CELF4: variants seen among roughly 807,000 people sequenced by gnomAD.
CELF4 encodes CUG-BP- and ETR-3-like factor 4.
Under a neutral mutation model 59.9 loss-of-function variants are expected in CELF4, and 18 were observed. The observed-to-expected ratio is 0.30, with a 90% CI of 0.21 to 0.45. The LOEUF (loss-of-function observed/expected upper bound fraction) is 0.45. Among genes scored for constraint, CELF4 ranks in the 20% least tolerant of loss-of-function variants. CELF4 has a pLI of 1.00. For synonymous variants in CELF4, 261 were observed against 267.1 expected (o/e 0.98, Z 0.22); for missense variants, 456 against 689.0 (o/e 0.66, Z 3.79).
chr18:37,403,161 C>A (rs143586177), intron 2 of CELF4, among the ~76,000 whole-genome samples: 1 of 149,668 alleles, frequency 6.7e-6, no homozygotes, highest in African/African-American at 2.4e-5. Flanking sequence ...AGGAAGAGGG[C>A]TGGGGTTGGG....
At chr18:37,526,958 G>A (rs542012677) in intron 1 of CELF4, among the ~76,000 whole-genome samples, 1 of 152,152 alleles carries the variant, frequency 6.6e-6, no homozygotes, top group Non-Finnish European at 1.5e-5. Context: ...CCGGGCCTCA[G>A]TTGCCTTATC....
intron 3 of CELF4, among the ~76,000 whole-genome samples, chr18:37,281,809 C>A (rs72900342): frequency 0.082 from 12,431 of 152,228 alleles, 694 homozygotes; most frequent in Admixed American, 0.13. Context: ...GTGGCCCCCC[C>A]AGGGTGCCTC....
At chr18:37,507,210 C>G (rs2099939079) in intron 1 of CELF4, among the ~76,000 whole-genome samples, 1 of 152,214 alleles carries the variant, frequency 6.6e-6, no homozygotes, top group Admixed American at 6.5e-5. Context: ...CTGCTCAAGG[C>G]CCAGAGACCC....
intron 2 of CELF4, among the ~76,000 whole-genome samples, chr18:37,389,741 C>T (rs1225306846): frequency 3.9e-5 from 6 of 152,156 alleles, no homozygotes; most frequent in Admixed American, 2.0e-4. Flanking sequence ...GGAGTGTGAG[C>T]GTGCACACAG....
In CELF4 at chr18:37,247,637, A is replaced by ACACACACGCACG. The variant is rs1304824636; in HGVS notation, c.*45-2452_*45-2441dup. ...GGCACATCAACACACACACACGCACACACACACGCACGCACACACATACAC... is the reference window on the plus strand; with the variant it reads ...GGCACATCAACACACACACACGCACACACACACGCACGCACACACGCACGCACACACATACAC... On this transcript the variant is annotated intron_variant, in intron 12 of 12. Coordinates refer to ENST00000420428, the MANE Select transcript of CELF4 (RefSeq NM_020180.4). 6 of 152,136 alleles carry ACACACACGCACG rather than the reference A, an allele frequency of 3.9e-5. No individual in the cohort carries two copies. The South Asian group carries it at 1.0e-3, about 26-fold the overall frequency. 9.4% of individuals were successfully genotyped at this position (152,136 alleles called of 1,614,324 possible).
At chr18:37,466,279 C>T (rs2154602352) in intron 2 of CELF4, among the ~76,000 whole-genome samples, 1 of 152,380 alleles carries the variant, frequency 6.6e-6, no homozygotes, top group Admixed American at 6.5e-5. Context: ...AAGGAATAAA[C>T]ACCCATCACA....
At chr18:37,261,028 C>A (rs566676503) in intron 10 of CELF4, among the ~76,000 whole-genome samples, 1 of 152,278 alleles carries the variant, frequency 6.6e-6, no homozygotes, top group African/African-American at 2.4e-5. Flanking sequence ...CTGGTTCATG[C>A]CCTGTGAATG....
At chr18:37,476,342 T>C (rs887037434) in intron 2 of CELF4, among the ~76,000 whole-genome samples, 1 of 152,214 alleles carries the variant, frequency 6.6e-6, no homozygotes, top group Non-Finnish European at 1.5e-5. Flanking sequence ...TTAAACACAC[T>C]GTGCTCCTTC....
chr18:37,295,863 T>C (rs536224026), intron 3 of CELF4, among the ~76,000 whole-genome samples: 9 of 152,196 alleles, frequency 5.9e-5, no homozygotes, highest in Non-Finnish European at 1.2e-4. Context: ...AGGGCCTGGG[T>C]TCATCAGCAG....
intron 1 of CELF4, among the ~76,000 whole-genome samples, chr18:37,529,495 G>T (rs934982535): frequency 6.6e-6 from 1 of 152,248 alleles, no homozygotes; most frequent in African/African-American, 2.4e-5. Context: ...ACATCCAATA[G>T]CTCAGCACCA....
intron 1 of CELF4, among the ~76,000 whole-genome samples, chr18:37,501,444 A>G (rs1244792587): frequency 6.6e-6 from 1 of 152,188 alleles, no homozygotes; most frequent in Non-Finnish European, 1.5e-5. Flanking sequence ...TCTCCATTCC[A>G]TCATTAAGTG....
chr18:37,553,580 T>A (rs2099983892), intron 1 of CELF4, among the ~76,000 whole-genome samples: 1 of 152,238 alleles, frequency 6.6e-6, no homozygotes, highest in Non-Finnish European at 1.5e-5. Flanking sequence ...AATTATTAAT[T>A]TTTGAAATGA....
At chr18:37,291,023 C>T (rs999263563) in intron 3 of CELF4, among the ~76,000 whole-genome samples, 1 of 152,242 alleles carries the variant, frequency 6.6e-6, no homozygotes, top group African/African-American at 2.4e-5. Context: ...AATTCTCCTG[C>T]CTCAGCCTCT....
intron 2 of CELF4, among the ~76,000 whole-genome samples, chr18:37,390,805 G>T (rs11664411): frequency 2.2e-5 from 2 of 89,290 alleles, no homozygotes; most frequent in Non-Finnish European, 2.5e-5. Flanking sequence ...GATGGGGCGG[G>T]GAGGGGGGGC....
intron 2 of CELF4, among the ~76,000 whole-genome samples, chr18:37,375,158 C>T (rs1040801382): frequency 1.3e-5 from 2 of 152,118 alleles, no homozygotes; most frequent in Non-Finnish European, 1.5e-5. Context: ...TGTGTGTGTG[C>T]TCATGCGTCC....
At chr18:37,372,182 G>A (rs545333549) in intron 2 of CELF4, among the ~76,000 whole-genome samples, 6 of 152,300 alleles carry the variant, frequency 3.9e-5, no homozygotes, top group East Asian at 1.9e-4. Context: ...ACGTGCACAC[G>A]TATGTTTATT....
At chr18:37,480,296 C>G (rs545892499) in intron 2 of CELF4, among the ~76,000 whole-genome samples, 8 of 152,254 alleles carry the variant, frequency 5.3e-5, no homozygotes, top group African/African-American at 1.7e-4. Flanking sequence ...ACTCACTGTT[C>G]AGAGACAAAA....
At chr18:37,533,524 C>G (rs2154605152) in intron 1 of CELF4, among the ~76,000 whole-genome samples, 1 of 152,230 alleles carries the variant, frequency 6.6e-6, no homozygotes, top group East Asian at 1.9e-4. Flanking sequence ...GTGGAGCCCC[C>G]AAGCTCATAA....
At chr18:37,536,355 A>C (rs919337719) in intron 1 of CELF4, among the ~76,000 whole-genome samples, 2 of 151,986 alleles carry the variant, frequency 1.3e-5, no homozygotes, top group Non-Finnish European at 2.9e-5. Context: ...GTGCATTGGA[A>C]CCTGAAGGAC....
Sources: allele counts gnomAD v4.1 joint callset (sites outside exome capture counted in the v4.1 genomes callset), GRCh38; gene constraint gnomAD v4.1.1; transcripts MANE v1.5; gene names NCBI Gene and HGNC (gene_info 2026-07-23, HGNC 2026-07-21).